The following FTO variants were observed in gnomAD, a reference collection of about 807,000 sequenced individuals.
The protein encoded by FTO is alpha-ketoglutarate-dependent dioxygenase FTO.
A neutral mutation model predicts 63.9 loss-of-function variants in FTO; 47 were observed. That is an observed-to-expected ratio of 0.74 (90% CI 0.58 to 0.94). The LOEUF is 0.94. FTO is among the 40% of genes least tolerant of loss of function. FTO has a pLI of 0.00. For missense variants in FTO, 562 were observed against 618.1 expected (o/e 0.91, Z 0.96); for synonymous variants, 207 against 224.4 (o/e 0.92, Z 0.69).
chr16:54,051,096 C>T (rs187699266), intron 8 of FTO, among the ~76,000 whole-genome samples: 153 of 152,322 alleles, frequency 1.0e-3, no homozygotes, highest in African/African-American at 3.6e-3. Flanking sequence ...GTTTTCTGTG[C>T]CTTGAGTTCC....
intron 8 of FTO, among the ~76,000 whole-genome samples, chr16:54,096,504 G>A (rs1212402282): frequency 6.6e-6 from 1 of 152,196 alleles, no homozygotes; most frequent in Non-Finnish European, 1.5e-5. Context: ...TTGGAATGAA[G>A]CGGCAGCTTA....
chr16:53,975,713 A>G (rs186034723), intron 8 of FTO, among the ~76,000 whole-genome samples: 20 of 152,266 alleles, frequency 1.3e-4, no homozygotes, highest in African/African-American at 4.6e-4. Context: ...TCCAAACAAT[A>G]TAAATAATAT....
intron 1 of FTO, among the ~76,000 whole-genome samples, chr16:53,751,262 T>A (rs2076784023): frequency 1.3e-5 from 2 of 151,842 alleles, no homozygotes; most frequent in South Asian, 4.2e-4. Flanking sequence ...AAATTTACCA[T>A]CCTGGCTAAC....
chr16:53,913,986 G>GAAA (rs796724555), intron 7 of FTO, among the ~76,000 whole-genome samples: 2,613 of 111,986 alleles, frequency 0.023, 75 homozygotes, highest in African/African-American at 0.075. Context: ...CTCAAAAAAA[G>GAAA]AAAAAAAAAA....
intron 7 of FTO, among the ~76,000 whole-genome samples, chr16:53,906,723 T>A (rs1270081865): frequency 6.6e-6 from 1 of 151,360 alleles, no homozygotes; most frequent in African/African-American, 2.4e-5. Context: ...ACGTGTAGAG[T>A]GGTAGAAGCA....
At chr16:53,854,945 T>C (rs1219779512) in intron 4 of FTO, among the ~76,000 whole-genome samples, 1 of 152,206 alleles carries the variant, frequency 6.6e-6, no homozygotes, top group Non-Finnish European at 1.5e-5. Context: ...ATTTGTGTCA[T>C]CTATGATTTC....
intron 4 of FTO, among the ~76,000 whole-genome samples, chr16:53,867,490 C>CAT (rs557996463): frequency 2.2e-5 from 3 of 136,540 alleles, no homozygotes; most frequent in Non-Finnish European, 4.6e-5. Context: ...ATGTACGCCA[C>CAT]ATATGTGTGT....
chr16:53,993,555 C>G (rs1015022643), intron 8 of FTO: 28 of 152,278 alleles, frequency 1.8e-4, no homozygotes, highest in African/African-American at 6.5e-4. Flanking sequence ...TTGGGGAAAA[C>G]CAGCCCACCT....
Position 53,744,022 on chromosome 16 carries a change from C to T in FTO, c.45+39793C>T, listed in dbSNP as rs572322344. ...ACCATAGTTTGGTTGCAAGTACAGA[C>T]ATCATTTTCTCCAGTCGTCTTGTAG... On this transcript the variant is annotated intron_variant, in intron 1 of 8. Coordinates refer to ENST00000471389, the MANE Select transcript of FTO (RefSeq NM_001080432.3). Among the ~76,000 whole-genome samples, 13 of 152,282 alleles carry T rather than the reference C, an allele frequency of 8.5e-5. No homozygotes were observed. The South Asian group carries it at 2.7e-3, about 32-fold the overall frequency.
chr16:53,895,746 A>G (rs1296546815), intron 7 of FTO, among the ~76,000 whole-genome samples: 1 of 152,186 alleles, frequency 6.6e-6, no homozygotes, highest in African/African-American at 2.4e-5. Flanking sequence ...TGCCTGGTAC[A>G]TCTCAGGAAT....
intron 1 of FTO, among the ~76,000 whole-genome samples, chr16:53,762,771 G>A (rs2077099981): frequency 6.6e-6 from 1 of 152,178 alleles, no homozygotes. Flanking sequence ...TATCACAAAA[G>A]CAAGGCTCCT....
chr16:53,715,809 G>T (rs141812090), intron 1 of FTO, among the ~76,000 whole-genome samples: 237 of 152,188 alleles, frequency 1.6e-3, no homozygotes, highest in African/African-American at 5.3e-3. Context: ...GTGCCCTCTT[G>T]GCAGTATATT....
At chr16:54,082,723 A>T (rs567460347) in intron 8 of FTO, among the ~76,000 whole-genome samples, 1 of 152,312 alleles carries the variant, frequency 6.6e-6, no homozygotes, top group African/African-American at 2.4e-5. Flanking sequence ...TTTAATTTAA[A>T]AACTTTGAGA....
chr16:53,933,137 A>G (rs1017904610), intron 7 of FTO, among the ~76,000 whole-genome samples: 3 of 152,202 alleles, frequency 2.0e-5, no homozygotes, highest in African/African-American at 7.2e-5. Flanking sequence ...AATGCTATCA[A>G]AGAGTAAGGG....
At chr16:53,930,615 T>C (rs2082259285) in intron 7 of FTO, among the ~76,000 whole-genome samples, 1 of 152,202 alleles carries the variant, frequency 6.6e-6, no homozygotes, top group South Asian at 2.1e-4. Flanking sequence ...ATTTTTTCTT[T>C]TTTTACTTTT....
At chr16:54,097,678 A>G (rs2086547828) in intron 8 of FTO, among the ~76,000 whole-genome samples, 1 of 152,262 alleles carries the variant, frequency 6.6e-6, no homozygotes, top group Non-Finnish European at 1.5e-5. Context: ...AGGATATAGC[A>G]GTGAGCAAAA....
intron 8 of FTO, among the ~76,000 whole-genome samples, chr16:53,960,129 T>G (rs1261763345): frequency 6.6e-6 from 1 of 152,184 alleles, no homozygotes; most frequent in Non-Finnish European, 1.5e-5. Flanking sequence ...ACAGTCATAC[T>G]TTGTTAAAGA....
chr16:53,955,663 G>C (rs765955784), intron 8 of FTO, among the ~76,000 whole-genome samples: 2 of 152,224 alleles, frequency 1.3e-5, no homozygotes, highest in Non-Finnish European at 2.9e-5. Flanking sequence ...GTTAGGTGCT[G>C]TGGAAAACAC....
chr16:54,017,170 A>G (rs1481587982), intron 8 of FTO, among the ~76,000 whole-genome samples: 1 of 152,210 alleles, frequency 6.6e-6, no homozygotes, highest in Non-Finnish European at 1.5e-5. Context: ...TAATTATAGT[A>G]GTAATAATCC....
Sources: gnomAD v4.1 joint callset for allele counts (sites outside exome capture counted in the v4.1 genomes callset) on GRCh38, gnomAD v4.1.1 for gene constraint, MANE v1.5 for transcripts, NCBI Gene and HGNC (gene_info 2026-07-23, HGNC 2026-07-21) for gene names.